The following KIAA1549L variants were observed in gnomAD, a reference collection of about 807,000 sequenced individuals.
KIAA1549L encodes UPF0606 protein KIAA1549L.
A neutral mutation model predicts 160.7 loss-of-function variants in KIAA1549L; 88 were observed. The ratio of observed to expected loss-of-function variants is 0.55; its 90% CI spans 0.46 to 0.65. The LOEUF (loss-of-function observed/expected upper bound fraction) is 0.65, where lower values mean the gene tolerates loss of function less well. KIAA1549L is among the 30% of genes least tolerant of loss of function. The pLI, the probability that KIAA1549L is intolerant of heterozygous loss-of-function variation, is 0.00. For synonymous variants in KIAA1549L, 950 were observed against 976.7 expected (o/e 0.97, Z 0.51); for missense variants, 2,258 against 2,437.5 (o/e 0.93, Z 1.55).
At chr11:33,645,198 A>G (rs896962716) in intron 16 of KIAA1549L, among the ~76,000 whole-genome samples, 2 of 152,082 alleles carry the variant, frequency 1.3e-5, no homozygotes, top group Admixed American at 1.3e-4. Flanking sequence ...TAGAAGCAGG[A>G]TTTTGTTATT....
chr11:33,487,199 T>C (rs1019195896), intron 1 of KIAA1549L, among the ~76,000 whole-genome samples: 1 of 152,218 alleles, frequency 6.6e-6, no homozygotes, highest in East Asian at 1.9e-4. Flanking sequence ...GACAATCTTA[T>C]TTGAGAAGAT....
chr11:33,464,494 G>A (rs1168450197), intron 1 of KIAA1549L, among the ~76,000 whole-genome samples: 8 of 149,910 alleles, frequency 5.3e-5, no homozygotes, highest in African/African-American at 9.9e-5. Flanking sequence ...GTGTGTGTGT[G>A]TGTGTGTGTG....
In KIAA1549L at chr11:33,571,899, A is replaced by G. The variant is rs371508740; in HGVS notation, c.4231-2803A>G. 4.6e-5 allele frequency among the ~76,000 whole-genome samples: 7 copies of G among 152,288 alleles called. No individual in the cohort carries two copies. The East Asian group carries it at 1.3e-3, about 29-fold the overall frequency. ...CCCTTCTTGAAGAGTCCCAAAGCCT[A>G]TTTGCATACCAAAGCTCTGAAAAGA... On this transcript the variant is annotated intron_variant, in intron 9 of 20. Coordinates refer to ENST00000658780, the MANE Select transcript of KIAA1549L (RefSeq NM_012194.3).
At chr11:33,522,876 G>C (rs900545942) in intron 1 of KIAA1549L, among the ~76,000 whole-genome samples, 1 of 147,884 alleles carries the variant, frequency 6.8e-6, no homozygotes, top group African/African-American at 2.5e-5. Flanking sequence ...TCCAGCCTGG[G>C]TGACAAAGTG....
chr11:33,418,757 C>T (rs1850937705), intron 1 of KIAA1549L, among the ~76,000 whole-genome samples: 1 of 152,236 alleles, frequency 6.6e-6, no homozygotes, highest in Non-Finnish European at 1.5e-5. Flanking sequence ...GCAGCCTGAC[C>T]AAGATTTTAT....
intron 1 of KIAA1549L, among the ~76,000 whole-genome samples, chr11:33,530,414 GAAAAAAAAA>G (rs71457306): frequency 0.024 from 396 of 16,308 alleles, 5 homozygotes; most frequent in South Asian, 0.031. Context: ...GAAGAAGAAG[GAAAAAAAAA>G]AAAAAAAAAA....
In KIAA1549L at chr11:33,528,226, A is replaced by G. The variant is rs571182960; in HGVS notation, c.239-13576A>G. On this transcript the variant is annotated intron_variant, in intron 1 of 20. Coordinates refer to ENST00000658780, the MANE Select transcript of KIAA1549L (RefSeq NM_012194.3). ...CAAATGGCCAACAAACTATGAAAAA[A>G]TGCTCAAGATCACTAATTATCAGAG... is the stretch of plus-strand genomic sequence containing the variant. Among the ~76,000 whole-genome samples the G allele has an allele frequency of 1.4e-4, 22 of 152,320 alleles. 1 individual carries two copies. In the East Asian group the frequency reaches 2.3e-3, roughly 16 times the overall value.
chr11:33,432,076 A>C (rs965779297), intron 1 of KIAA1549L, among the ~76,000 whole-genome samples: 10 of 152,178 alleles, frequency 6.6e-5, no homozygotes, highest in Admixed American at 2.0e-4. Flanking sequence ...CCGGAACTCC[A>C]GCTGGCCCAC....
chr11:33,403,949 T>C (rs1457321695), intron 1 of KIAA1549L, among the ~76,000 whole-genome samples: 2 of 152,218 alleles, frequency 1.3e-5, no homozygotes, highest in Non-Finnish European at 2.9e-5. Flanking sequence ...GGGGCCATGA[T>C]GAAAACAGAT....
chr11:33,463,491 G>C (rs1294027394), intron 1 of KIAA1549L, among the ~76,000 whole-genome samples: 1 of 152,116 alleles, frequency 6.6e-6, no homozygotes, highest in Non-Finnish European at 1.5e-5. Context: ...CCAACGTCTT[G>C]GGTGAGAGAC....
At chr11:33,438,519 A>C (rs1165123152) in intron 1 of KIAA1549L, among the ~76,000 whole-genome samples, 2 of 150,432 alleles carry the variant, frequency 1.3e-5, no homozygotes, top group Non-Finnish European at 3.0e-5. Context: ...TGCTTTCAGC[A>C]GGGGCCCTGA....
rs550817737 is a variant in KIAA1549L at position 33,561,872 on chromosome 11, A to G, written c.4078+137A>G. The G allele has an allele frequency of 1.2e-5, 8 of 651,892 alleles. No homozygotes were observed. In the South Asian group the frequency reaches 1.5e-4, roughly 12 times the overall value. 40.4% of individuals were successfully genotyped at this position (651,892 alleles called of 1,614,324 possible). A position where few individuals can be genotyped will look rare whatever the true frequency, so the allele number is the denominator to read the frequency against. On this transcript the variant is annotated intron_variant, in intron 8 of 20. Coordinates refer to ENST00000658780, the MANE Select transcript of KIAA1549L (RefSeq NM_012194.3). ...TAAGTCAGGAAGTTACTTCTACAGG[A>G]CCAGAAGTGAATGGGGTAAGCTGAG... is the stretch of plus-strand genomic sequence containing the variant.
intron 13 of KIAA1549L, among the ~76,000 whole-genome samples, chr11:33,604,990 G>C (rs967811000): frequency 2.0e-5 from 3 of 152,126 alleles, no homozygotes; most frequent in Admixed American, 6.5e-5. Flanking sequence ...ATAAAGTCTT[G>C]ACTGGGGCTT....
At chr11:33,510,758 G>C (rs891291514) in intron 1 of KIAA1549L, among the ~76,000 whole-genome samples, 18 of 152,360 alleles carry the variant, frequency 1.2e-4, no homozygotes, top group South Asian at 4.1e-4. Context: ...GAGAGGTGAG[G>C]CAAGTGCAGA....
chr11:33,445,964 A>G (rs1303960561), intron 1 of KIAA1549L, among the ~76,000 whole-genome samples: 2 of 152,192 alleles, frequency 1.3e-5, no homozygotes, highest in Non-Finnish European at 2.9e-5. Context: ...AACTGTGAGA[A>G]GTAAATTTCT....
At chr11:33,510,496 T>TCC (rs1411477046) in intron 1 of KIAA1549L, among the ~76,000 whole-genome samples, 48 of 151,922 alleles carry the variant, frequency 3.2e-4, no homozygotes, top group African/African-American at 1.1e-3. Flanking sequence ...CAGGACAAGG[T>TCC]TTGTTTCTAA....
chr11:33,600,399 G>C (rs1437827357), intron 13 of KIAA1549L, among the ~76,000 whole-genome samples: 1 of 152,184 alleles, frequency 6.6e-6, no homozygotes, highest in East Asian at 1.9e-4. Flanking sequence ...TGATAAGAGA[G>C]ATGGGTAGAG....
chr11:33,483,986 G>A (rs932359666), intron 1 of KIAA1549L, among the ~76,000 whole-genome samples: 1 of 152,186 alleles, frequency 6.6e-6, no homozygotes, highest in African/African-American at 2.4e-5. Flanking sequence ...CTTGGAAATA[G>A]TCTTCTTGGT....
At chr11:33,657,119 G>A (rs985168075) in intron 18 of KIAA1549L, among the ~76,000 whole-genome samples, 1 of 150,968 alleles carries the variant, frequency 6.6e-6, no homozygotes, top group Admixed American at 6.6e-5. Context: ...AACAGTGTGT[G>A]GGAAGCCAGG....
Sources: allele counts gnomAD v4.1 joint callset (sites outside exome capture counted in the v4.1 genomes callset), GRCh38; gene constraint gnomAD v4.1.1; transcripts MANE v1.5; gene names NCBI Gene and HGNC (gene_info 2026-07-23, HGNC 2026-07-21).